The following PSTPIP1 variants were observed in gnomAD, a reference collection of about 807,000 sequenced individuals.
The protein encoded by PSTPIP1 is proline-serine-threonine phosphatase interacting protein 1.
A neutral mutation model predicts 69.6 loss-of-function variants in PSTPIP1; 66 were observed. The ratio of observed to expected loss-of-function variants is 0.95; its 90% CI spans 0.78 to 1.16. PSTPIP1 has a LOEUF of 1.16. PSTPIP1 is among the 50% of genes most tolerant of loss of function. The pLI, the probability that PSTPIP1 is intolerant of heterozygous loss-of-function variation, is 0.00. For synonymous variants in PSTPIP1, 266 were observed against 222.7 expected, an observed-to-expected ratio of 1.19 and a Z score of -1.73; for missense variants, 603 against 557.4, an observed-to-expected ratio of 1.08 and a Z score of -0.82.
intron 3 of PSTPIP1, 99 bp from the exon 4 acceptor site, chr15:77,025,185 T>C: frequency 7.4e-7 from 1 of 1,352,284 alleles, no homozygotes; most frequent in Non-Finnish European, 1.1e-6. Flanking sequence ...CCCACCAAAA[T>C]AAAAGTCCTC....
At chr15:77,030,458 G>A (rs2076386822) in intron 8 of PSTPIP1, 44 bp from the exon 9 acceptor site, 1 of 1,589,576 alleles carries the variant, frequency 6.3e-7, no homozygotes, top group African/African-American at 1.3e-5. Context: ...CAGGGGTGGA[G>A]GAGCTCGTGT....
In PSTPIP1 at chr15:77,029,620, C is replaced by G. The variant is rs755179880; in HGVS notation, c.562+46C>G. On this transcript the variant is annotated intron_variant, in intron 8 of 14. Transcript: ENST00000558012. Reference sequence around the variant, plus strand: ...CGTCCGACCAGGGCGGAGGCCTGGGCGGTACTCCCCACACACACCTCCTCA... The same window carrying G: ...CGTCCGACCAGGGCGGAGGCCTGGGGGGTACTCCCCACACACACCTCCTCA... 2.6e-6 allele frequency: 4 copies of G among 1,540,450 alleles called. No individual in the cohort carries two copies. The South Asian group carries it at 4.8e-5, about 18-fold the overall frequency.
Position 77,032,360 on chromosome 15 carries a change from C to T in PSTPIP1, c.804C>T (p.Phe268=). The T allele has an allele frequency of 1.2e-6, 2 of 1,612,688 alleles. No individual in the cohort carries two copies. The highest frequency in any genetic ancestry group is 1.1e-5 in the South Asian group (1 of 91,090). ...GCATAGACGCCGACATCGACAGTTT[C>T]ATCCAGGCCAAGAGCACGGGCACAG... The part of the protein sequence containing the change: ...GCSIDADIDS[F]IQAKSTGTEP... Residue 268 remains phenylalanine, a synonymous_variant, in exon 11 of 15, where the codon TTC becomes TTT. Coordinates refer to ENST00000558012, the MANE Select transcript of PSTPIP1 (RefSeq NM_003978.5).
chr15:77,025,705 GC>G, intron 5 of PSTPIP1, 101 bp downstream of exon 5: 1 of 912,942 alleles, frequency 1.1e-6, no homozygotes, highest in Non-Finnish European at 1.6e-6. Context: ...CCAGTGGAGG[GC>G]GGCAGGGGTG....
chr15:77,010,023 C>G (rs973850508), intron 1 of PSTPIP1, among the ~76,000 whole-genome samples: 4 of 152,300 alleles, frequency 2.6e-5, no homozygotes, highest in African/African-American at 9.6e-5. Flanking sequence ...CCCCTCCTGG[C>G]TGGCTACAGG....
chr15:77,014,351 C>T (rs941607473), intron 1 of PSTPIP1, among the ~76,000 whole-genome samples: 1 of 152,136 alleles, frequency 6.6e-6, no homozygotes, highest in African/African-American at 2.4e-5. Flanking sequence ...CTATTAGGCC[C>T]ATTTTCACAG....
intron 1 of PSTPIP1, among the ~76,000 whole-genome samples, chr15:76,998,579 C>G (rs2075631283): frequency 6.6e-6 from 1 of 152,126 alleles, no homozygotes; most frequent in African/African-American, 2.4e-5. Flanking sequence ...TGCACAGTAC[C>G]TGATATACAG....
At chr15:77,022,997 G>C (rs2076194078) in intron 3 of PSTPIP1, among the ~76,000 whole-genome samples, 1 of 152,256 alleles carries the variant, frequency 6.6e-6, no homozygotes, top group Non-Finnish European at 1.5e-5. Context: ...CCAGGGGTGG[G>C]ACAGAGGCTG....
At chr15:77,015,647 C>T (rs1381218922) in intron 1 of PSTPIP1, among the ~76,000 whole-genome samples, 1 of 152,142 alleles carries the variant, frequency 6.6e-6, no homozygotes, top group Non-Finnish European at 1.5e-5. Context: ...TTGGTTCATT[C>T]ATTTCCTAAA....
At chr15:77,004,331 C>T (rs551496571) in intron 1 of PSTPIP1, among the ~76,000 whole-genome samples, 1 of 152,352 alleles carries the variant, frequency 6.6e-6, no homozygotes, top group African/African-American at 2.4e-5. Flanking sequence ...CTGGTGTTGA[C>T]AGGCCACCCA....
intron 1 of PSTPIP1, among the ~76,000 whole-genome samples, chr15:76,997,998 G>A (rs2075617911): frequency 6.6e-6 from 1 of 152,204 alleles, no homozygotes; most frequent in Non-Finnish European, 1.5e-5. Context: ...AGCACTCTGG[G>A]AGGCCAAGGT....
chr15:77,034,034 G>A (rs1438101944), intron 12 of PSTPIP1, among the ~76,000 whole-genome samples: 1 of 152,052 alleles, frequency 6.6e-6, no homozygotes, highest in Admixed American at 6.5e-5. Flanking sequence ...CCCCAGAGAG[G>A]ATTAGAGAGA....
At chr15:77,036,598 TG>T (rs1022276746) in intron 14 of PSTPIP1, among the ~76,000 whole-genome samples, 7 of 152,004 alleles carry the variant, frequency 4.6e-5, no homozygotes, top group African/African-American at 1.7e-4. Flanking sequence ...AGGCTGGGTG[TG>T]GACTCCACTG....
intron 1 of PSTPIP1, among the ~76,000 whole-genome samples, chr15:77,009,441 A>G (rs1373910575): frequency 1.3e-5 from 2 of 152,208 alleles, no homozygotes; most frequent in East Asian, 1.9e-4. Context: ...TATCAGCCCT[A>G]TAAGGGCTTA....
Position 77,032,892 on chromosome 15 carries a change from G to T in PSTPIP1, c.869G>T (p.Arg290Leu), listed in dbSNP as rs761580488. The T allele has an allele frequency of 1.2e-6, 2 of 1,602,750 alleles. No homozygotes were observed. Among genetic ancestry groups the T allele is most frequent in the Non-Finnish European group, 8.5e-7 (1 of 1,175,248 alleles). Reference protein sequence around the residue: ...APVPYQNYYDREVTPLTSSPG... With the variant: ...APVPYQNYYDLEVTPLTSSPG... ...GTGCCCTACCAGAACTATTACGATC[G>T]GGAGGTCACCCCGCTGACCAGCAGC... The change falls in exon 12 of 15, where the codon CGG becomes CTG. Residue 290 changes from arginine to leucine, a missense_variant. Arg to Leu is a moderately radical substitution (Grantham distance 102, BLOSUM62 -2). Coordinates refer to ENST00000558012, the MANE Select transcript of PSTPIP1 (RefSeq NM_003978.5).
In PSTPIP1 at chr15:77,025,536, C is replaced by G. The variant is rs2076259560; in HGVS notation, c.286C>G (p.Leu96Val). The stretch of plus-strand genomic sequence containing the variant: ...GGGCAGCTCACACATCCAGCTGGCC[C>G]TGACCCTGCGTGAGGAGCTGCGGAG... Reference protein sequence around the residue: ...NVGSSHIQLALTLREELRSLE... With the variant: ...NVGSSHIQLAVTLREELRSLE... Residue 96 changes from leucine to valine, a missense_variant, in exon 5 of 15, where the codon CTG (leucine) becomes GTG (valine). Transcript: ENST00000558012. 1.3e-6 allele frequency: 2 copies of G among 1,555,466 alleles called. No homozygotes were observed. The highest frequency in any genetic ancestry group is 1.7e-6 in the Non-Finnish European group (2 of 1,149,418).
intron 11 of PSTPIP1, chr15:77,032,595 T>A: frequency 1.6e-6 from 1 of 637,968 alleles, no homozygotes; most frequent in Non-Finnish European, 2.7e-6. Flanking sequence ...ATGATGGCAC[T>A]CAGAGGAAGA....
At chr15:77,023,029 T>C (rs547653746) in intron 3 of PSTPIP1, among the ~76,000 whole-genome samples, 1 of 152,324 alleles carries the variant, frequency 6.6e-6, no homozygotes, top group South Asian at 2.1e-4. Context: ...GGCAGTGCTG[T>C]ACGTTCAGGC....
chr15:77,035,496 C>G lies in PSTPIP1; in HGVS notation c.930-12C>G. ...GGCGGGGACACTCACCCTCTTTCCTCCCTGTTCCCAGGTTCTCTGGACTGC... is the reference window on the plus strand; with the variant it reads ...GGCGGGGACACTCACCCTCTTTCCTGCCTGTTCCCAGGTTCTCTGGACTGC... On this transcript the variant is annotated splice_polypyrimidine_tract_variant and intron_variant, in intron 12 of 14. Transcript: ENST00000558012. 1 of 1,585,660 alleles carries G rather than the reference C, an allele frequency of 6.3e-7. No homozygotes were observed. The highest frequency in any genetic ancestry group is 8.6e-7 in the Non-Finnish European group (1 of 1,166,290).
Sources: gnomAD v4.1 joint callset for allele counts (sites outside exome capture counted in the v4.1 genomes callset) on GRCh38, gnomAD v4.1.1 for gene constraint, MANE v1.5 for transcripts, NCBI Gene and HGNC (gene_info 2026-07-23, HGNC 2026-07-21) for gene names.